Variants in TTC39B observed in about 807,000 individuals in gnomAD.
The protein encoded by TTC39B is tetratricopeptide repeat domain 39B.
TTC39B carries 92 observed loss-of-function variants against 96.6 expected under a neutral mutation model. The observed-to-expected ratio is 0.95, with a 90% CI of 0.80 to 1.13. The LOEUF (loss-of-function observed/expected upper bound fraction) is 1.13. TTC39B is among the 50% of genes most tolerant of loss of function. TTC39B has a pLI of 0.00. For missense variants in TTC39B, 955 were observed against 809.3 expected (o/e 1.18, Z -2.18); for synonymous variants, 367 against 299.4 (o/e 1.23, Z -2.33).
At chr9:15,235,938 T>C (rs1185566312) in intron 2 of TTC39B, among the ~76,000 whole-genome samples, 3 of 152,102 alleles carry the variant, frequency 2.0e-5, no homozygotes, top group Non-Finnish European at 2.9e-5. Flanking sequence ...AACAACACTA[T>C]GACAGGAATA....
chr9:15,235,155 G>A (rs1821719412), intron 2 of TTC39B, among the ~76,000 whole-genome samples: 1 of 152,108 alleles, frequency 6.6e-6, no homozygotes, highest in East Asian at 1.9e-4. Flanking sequence ...GGACCAGGCA[G>A]AAGAAAGTAT....
chr9:15,198,100 A>G (rs1819280360), intron 8 of TTC39B, among the ~76,000 whole-genome samples: 1 of 152,142 alleles, frequency 6.6e-6, no homozygotes, highest in African/African-American at 2.4e-5. Flanking sequence ...ATAACTGATT[A>G]AAGAGAAAGT....
intron 17 of TTC39B, among the ~76,000 whole-genome samples, chr9:15,180,254 G>T (rs1218600513): frequency 6.6e-6 from 1 of 152,134 alleles, no homozygotes; most frequent in Non-Finnish European, 1.5e-5. Context: ...AATAGATTTA[G>T]AAAGTAAAAA....
At chr9:15,200,019 C>G in intron 7 of TTC39B, 94 bp from the exon 8 acceptor site, 1 of 613,502 alleles carries the variant, frequency 1.6e-6, no homozygotes, top group Non-Finnish European at 2.7e-6. Flanking sequence ...AAAACAAAAA[C>G]AAACAAACAA....
At chr9:15,303,855 G>C (rs531824002) in intron 1 of TTC39B, among the ~76,000 whole-genome samples, 2 of 151,870 alleles carry the variant, frequency 1.3e-5, no homozygotes, top group African/African-American at 4.8e-5. Flanking sequence ...GGCTGGTCTC[G>C]AACTCCTGAC....
intron 2 of TTC39B, among the ~76,000 whole-genome samples, chr9:15,252,750 G>T (rs1822609554): frequency 6.6e-6 from 1 of 152,184 alleles, no homozygotes; most frequent in Admixed American, 6.5e-5. Context: ...TGTAACAAAT[G>T]TACGATACTA....
exon 20 of TTC39B, chr9:15,164,218 G>C (rs908750134): frequency 6.6e-6 from 1 of 152,186 alleles, no homozygotes; most frequent in East Asian, 1.9e-4. Context: ...GAGTGGGAAA[G>C]ATTGGAGACT....
intron 4 of TTC39B, among the ~76,000 whole-genome samples, chr9:15,213,274 G>A (rs1048903017): frequency 1.3e-5 from 2 of 152,122 alleles, no homozygotes; most frequent in Non-Finnish European, 2.9e-5. Context: ...CAGGCAAGGT[G>A]GAGATTGTGA....
In TTC39B at chr9:15,248,779, G is replaced by C. The variant is rs1458253250; in HGVS notation, c.275+19135C>G. On this transcript the variant is annotated intron_variant, in intron 2 of 19. Transcript: ENST00000512701. ...TAAAAACAGCAGATGTTTGATCTCT[G>C]GGTGGTAGAGAAAATTTCTTTTTTT... is the stretch of plus-strand genomic sequence containing the variant. 2.0e-5 allele frequency among the ~76,000 whole-genome samples: 3 copies of C among 152,108 alleles called. No individual in the cohort carries two copies. In the East Asian group the frequency reaches 5.8e-4, roughly 29 times the overall value.
chr9:15,208,820 C>T (rs909611423), intron 6 of TTC39B, among the ~76,000 whole-genome samples: 5 of 152,190 alleles, frequency 3.3e-5, no homozygotes, highest in African/African-American at 9.6e-5. Flanking sequence ...AATCAATACT[C>T]TAGCTTCACA....
chr9:15,234,489 A>G (rs1316704299), intron 2 of TTC39B, among the ~76,000 whole-genome samples: 1 of 129,450 alleles, frequency 7.7e-6, no homozygotes. Context: ...CTGGGAAGTG[A>G]GGAGCCCCTC....
At chr9:15,203,669 T>G (rs773734668) in intron 7 of TTC39B, among the ~76,000 whole-genome samples, 154 bp downstream of exon 7, 2 of 152,142 alleles carry the variant, frequency 1.3e-5, no homozygotes. Flanking sequence ...CTCTAGCATC[T>G]TTTTTCAGCC....
At chr9:15,200,499 A>G (rs558759246) in intron 7 of TTC39B, among the ~76,000 whole-genome samples, 2 of 152,234 alleles carry the variant, frequency 1.3e-5, no homozygotes, top group Non-Finnish European at 2.9e-5. Flanking sequence ...CACCACTTCA[A>G]TTCTGTTTAT....
intron 17 of TTC39B, among the ~76,000 whole-genome samples, chr9:15,179,027 C>G (rs1042159071): frequency 2.0e-5 from 3 of 152,210 alleles, no homozygotes; most frequent in African/African-American, 7.2e-5. Flanking sequence ...AAACTTCTAA[C>G]TGCTTGAGGA....
At chr9:15,230,363 A>G (rs962219108) in intron 2 of TTC39B, among the ~76,000 whole-genome samples, 4 of 152,186 alleles carry the variant, frequency 2.6e-5, no homozygotes, top group African/African-American at 9.7e-5. Context: ...GTATCCATAT[A>G]TTAGCAGTCA....
intron 1 of TTC39B, among the ~76,000 whole-genome samples, chr9:15,275,323 G>C (rs1006217813): frequency 2.6e-5 from 4 of 152,178 alleles, no homozygotes; most frequent in Admixed American, 2.0e-4. Context: ...TTACAGGCAT[G>C]AGCCAACGCT....
At chr9:15,226,058 G>A (rs536417827) in intron 2 of TTC39B, 46 bp from the exon 3 acceptor site, 4 of 1,570,936 alleles carry the variant, frequency 2.5e-6, no homozygotes, top group South Asian at 2.2e-5. Context: ...TCTTTGTCCT[G>A]TGAGAAAAGT....
At chr9:15,242,185 T>C (rs899841983) in intron 2 of TTC39B, among the ~76,000 whole-genome samples, 3 of 152,154 alleles carry the variant, frequency 2.0e-5, no homozygotes, top group African/African-American at 7.2e-5. Context: ...ATTAAATAAA[T>C]AAACAAAGGA....
chr9:15,286,470 G>A (rs1453033927), intron 1 of TTC39B, among the ~76,000 whole-genome samples: 1 of 152,186 alleles, frequency 6.6e-6, no homozygotes, highest in African/African-American at 2.4e-5. Context: ...TTTATATCCA[G>A]AGGCACAGAT....
Sources: gnomAD v4.1 joint callset for allele counts (sites outside exome capture counted in the v4.1 genomes callset) on GRCh38, gnomAD v4.1.1 for gene constraint, MANE v1.5 for transcripts, NCBI Gene and HGNC (gene_info 2026-07-23, HGNC 2026-07-21) for gene names.